The following ACSL6 variants were observed in gnomAD, a reference collection of about 807,000 sequenced individuals.
ACSL6 encodes the protein acyl-CoA synthetase long chain family member 6.
Under a neutral mutation model 98.2 loss-of-function variants are expected in ACSL6, and 47 were observed. That is an observed-to-expected ratio of 0.48 (90% CI 0.38 to 0.61). ACSL6 has a LOEUF of 0.61. Ranked by LOEUF, ACSL6 falls within the 20% of genes least tolerant of loss-of-function variation. ACSL6 has a pLI of 0.00. For missense variants in ACSL6, 761 were observed against 913.4 expected, an observed-to-expected ratio of 0.83 and a Z score of 2.15; for synonymous variants, 362 against 336.9, an observed-to-expected ratio of 1.07 and a Z score of -0.82.
intron 17 of ACSL6, among the ~76,000 whole-genome samples, chr5:131,963,005 C>T (rs1046349560): frequency 2.0e-5 from 3 of 152,030 alleles, no homozygotes; most frequent in African/African-American, 4.8e-5. Context: ...GGAGGCCCAC[C>T]GCCCTTCCAT....
intron 9 of ACSL6, among the ~76,000 whole-genome samples, chr5:131,981,334 A>AC (rs1047834641): frequency 6.0e-5 from 9 of 151,202 alleles, no homozygotes; most frequent in African/African-American, 2.2e-4. Context: ...AAAAAAAAAA[A>AC]AAAAAAAAAA....
chr5:131,975,437 G>C, intron 10 of ACSL6: 2 of 985,402 alleles, frequency 2.0e-6, no homozygotes, highest in Non-Finnish European at 2.4e-6. Context: ...TGGGCTACCC[G>C]GGCAGGGATT....
chr5:131,960,752 A>T lies in ACSL6; in HGVS notation c.1858-131T>A, dbSNP rs1752663715. ...GTATATGTTTATAAAACATTTGTTG[A>T]TGTCATGAAATCTTTCTGCCAATAT... On this transcript the variant is annotated intron_variant, in intron 18 of 20. Coordinates refer to ENST00000651883, the MANE Select transcript of ACSL6 (RefSeq NM_001009185.3). 14 of 617,208 alleles carry T rather than the reference A, an allele frequency of 2.3e-5. No individual in the cohort carries two copies. The South Asian group carries it at 3.2e-4, about 14-fold the overall frequency. 38.2% of individuals were successfully genotyped at this position (617,208 alleles called of 1,614,324 possible). A position where few individuals can be genotyped will look rare whatever the true frequency, so the allele number is the denominator to read the frequency against.
upstream of ACSL6, chr5:132,011,737 A>G: frequency 1.5e-6 from 2 of 1,296,528 alleles, no homozygotes; most frequent in South Asian, 2.6e-5. This position sits in a 1 kb window ranked among gnomAD's most constrained non-coding sequence, Gnocchi z 5.4. Flanking sequence ...CTCAAGGGGG[A>G]GGGCGCGGCG....
At chr5:131,971,747 C>T in intron 13 of ACSL6, 102 bp from the exon 14 acceptor site, 1 of 955,530 alleles carries the variant, frequency 1.0e-6, no homozygotes, top group Non-Finnish European at 1.5e-6. Context: ...TGGGTCCTAC[C>T]TGGATGCTAG....
chr5:132,010,603 C>T (rs1050031455), intron 1 of ACSL6, among the ~76,000 whole-genome samples: 1 of 152,174 alleles, frequency 6.6e-6, no homozygotes, highest in Non-Finnish European at 1.5e-5. Flanking sequence ...ATTCATAGAG[C>T]ATTTGCTGTG....
chr5:132,010,295 G>A (rs1755638989), intron 1 of ACSL6, among the ~76,000 whole-genome samples: 1 of 152,172 alleles, frequency 6.6e-6, no homozygotes. Flanking sequence ...AACCCTCCAG[G>A]TTCAGGCCTG....
intron 19 of ACSL6, among the ~76,000 whole-genome samples, chr5:131,960,290 T>C (rs776977811): frequency 4.5e-4 from 69 of 152,344 alleles, no homozygotes; most frequent in Middle Eastern, 3.4e-3. Flanking sequence ...CTTTCTGTGA[T>C]GTCTCCTGGC....
intron 9 of ACSL6, chr5:131,981,749 A>G (rs1181649068): frequency 6.6e-6 from 1 of 152,244 alleles, no homozygotes; most frequent in Non-Finnish European, 1.5e-5. Context: ...GGCATGGCCA[A>G]GCTTCGTGAA....
chr5:131,991,547 T>C (rs572207069), intron 2 of ACSL6, among the ~76,000 whole-genome samples: 1 of 152,250 alleles, frequency 6.6e-6, no homozygotes, highest in Non-Finnish European at 1.5e-5. Context: ...CTGAATTATG[T>C]TCATGTGCAA....
Position 131,988,602 on chromosome 5 carries a change from T to C in ACSL6, c.652+203A>G, listed in dbSNP as rs538894468. ...AGGCTCCTTCTTGGCAGCTGAGCCC[T>C]GTGGAAGGAACCTTCGTGTGAAGTC... On this transcript the variant is annotated intron_variant, in intron 6 of 20. Coordinates refer to ENST00000651883, the MANE Select transcript of ACSL6 (RefSeq NM_001009185.3). 6 of 1,612,948 alleles carry C rather than the reference T, an allele frequency of 3.7e-6. No homozygotes were observed. The African/African-American group carries it at 5.3e-5, about 14-fold the overall frequency.
chr5:131,975,850 G>C, intron 10 of ACSL6: 1 of 985,464 alleles, frequency 1.0e-6, no homozygotes, highest in Non-Finnish European at 1.2e-6. Flanking sequence ...GCTGGCTTTT[G>C]GGCCAGCTTG....
At position 131,950,855 on chromosome 5, in the gene ACSL6, A is replaced by T. The variant is rs1333240954; in HGVS notation, c.*3379T>A. The T allele has an allele frequency of 5.3e-6, 1 of 188,554 alleles. No homozygotes were observed. Among genetic ancestry groups the T allele is most frequent in the African/African-American group, 2.3e-5 (1 of 42,876 alleles). The allele number at this position is 188,554 out of a possible 1,614,324, so 11.7% of individuals were successfully genotyped here. On this transcript the variant is annotated 3_prime_UTR_variant, in exon 21 of 21. Transcript: ENST00000651883. ...GGAAAAAATTCCAATGGAAAGTTCTATTTTTTCTCATACTTGTAGTTTTAA... is the reference window on the plus strand; with the variant it reads ...GGAAAAAATTCCAATGGAAAGTTCTTTTTTTTCTCATACTTGTAGTTTTAA...
chr5:131,967,597 G>A (rs1301595989), intron 16 of ACSL6, among the ~76,000 whole-genome samples: 11 of 151,692 alleles, frequency 7.3e-5, no homozygotes, highest in African/African-American at 1.2e-4. Flanking sequence ...CCTGGGAGGC[G>A]GAGGTTGCAG....
At chr5:131,962,201 CAAT>C (rs1442467250) in intron 18 of ACSL6, among the ~76,000 whole-genome samples, 2 of 151,136 alleles carry the variant, frequency 1.3e-5, no homozygotes, top group African/African-American at 4.9e-5. Context: ...GACCCTGTCT[CAAT>C]AATAATAATA....
rs77676576 is a variant in ACSL6 at position 132,008,316 on chromosome 5, A to G, written c.49+3189T>C. Among the ~76,000 whole-genome samples, 141 of 152,344 alleles carry G rather than the reference A, an allele frequency of 9.3e-4. 1 individual carries two copies. The East Asian group carries it at 0.026, about 28-fold the overall frequency. ...GGATCTCACAGGCCTGAACTAAGCC[A>G]AAGTGTGCAAGTCTATGCTTGCCCT... On this transcript the variant is annotated intron_variant, in intron 1 of 20. Transcript: ENST00000651883.
At chr5:132,000,997 T>C (rs1755057379) in intron 1 of ACSL6, among the ~76,000 whole-genome samples, 1 of 151,716 alleles carries the variant, frequency 6.6e-6, no homozygotes, top group African/African-American at 2.4e-5. Context: ...ATCTGGAACT[T>C]GGCCCTAGCT....
intron 1 of ACSL6, among the ~76,000 whole-genome samples, chr5:132,007,450 T>C (rs1410225153): frequency 6.6e-6 from 1 of 152,192 alleles, no homozygotes; most frequent in Non-Finnish European, 1.5e-5. Context: ...CTAATACAAG[T>C]TATTATAATT....
intron 20 of ACSL6, among the ~76,000 whole-genome samples, chr5:131,954,602 T>C (rs1752301981): frequency 6.6e-6 from 1 of 152,234 alleles, no homozygotes; most frequent in South Asian, 2.1e-4. Context: ...AGTTGCTTAC[T>C]CTATGCCAGG....
Sources: allele counts gnomAD v4.1 joint callset (sites outside exome capture counted in the v4.1 genomes callset), GRCh38; gene constraint gnomAD v4.1.1; non-coding constraint Gnocchi (gnomAD v3.1); transcripts MANE v1.5; gene names NCBI Gene and HGNC (gene_info 2026-07-23, HGNC 2026-07-21).